Variants in GAB4 observed in about 807,000 individuals in gnomAD.
GAB4 encodes GRB2-associated-binding protein 4.
A neutral mutation model predicts 51.3 loss-of-function variants in GAB4; 26 were observed. That is an observed-to-expected ratio of 0.51 (90% CI 0.37 to 0.70). GAB4 has a LOEUF of 0.70. Among genes scored for constraint, GAB4 ranks in the 30% least tolerant of loss-of-function variants. The pLI is 0.00. For synonymous variants in GAB4, 329 were observed against 291.2 expected (o/e 1.13, Z -1.32); for missense variants, 759 against 734.6 (o/e 1.03, Z -0.38).
intron 4 of GAB4, among the ~76,000 whole-genome samples, chr22:16,968,619 A>C (rs1051351678): frequency 4.6e-5 from 7 of 152,082 alleles, no homozygotes; most frequent in African/African-American, 1.7e-4. Context: ...GCCTGCCCTC[A>C]GGACACACCT....
chr22:16,998,017 GT>G (rs1475186763), intron 1 of GAB4, among the ~76,000 whole-genome samples: 2 of 152,114 alleles, frequency 1.3e-5, no homozygotes, highest in African/African-American at 4.8e-5. Flanking sequence ...CTCTGTTTTG[GT>G]ACCAGTACCA....
intron 1 of GAB4, among the ~76,000 whole-genome samples, chr22:16,993,131 C>T (rs2060926451): frequency 6.6e-6 from 1 of 152,136 alleles, no homozygotes; most frequent in Admixed American, 6.5e-5. Context: ...CTGTCTTCTA[C>T]CTTCCACCTC....
At chr22:17,004,162 G>T (rs996003634) in intron 1 of GAB4, among the ~76,000 whole-genome samples, 25 of 152,236 alleles carry the variant, frequency 1.6e-4, no homozygotes, top group African/African-American at 5.8e-4. Flanking sequence ...AATAAATTCT[G>T]AAATTGAAGC....
chr22:16,989,350 CCT>C (rs2060894446), intron 2 of GAB4, among the ~76,000 whole-genome samples: 2 of 152,214 alleles, frequency 1.3e-5, no homozygotes, highest in Non-Finnish European at 2.9e-5. Flanking sequence ...CTTTCTGCCC[CCT>C]GATATCTGGC....
chr22:16,979,252 A>G (rs2060807128), intron 3 of GAB4, among the ~76,000 whole-genome samples: 1 of 152,230 alleles, frequency 6.6e-6, no homozygotes, highest in Non-Finnish European at 1.5e-5. Flanking sequence ...CTCTGTTTGC[A>G]GATGACATGA....
In GAB4 at chr22:16,963,825, G is replaced by C. The variant is rs200669352; in HGVS notation, c.1481C>G (p.Pro494Arg). ...DSGERYLFPN[P>R]ASAFPVSGGT... is the part of the protein sequence containing the mutation. The stretch of plus-strand genomic sequence containing the variant: ...ACCGGAAACAGGAAATGCAGATGCC[G>C]GGTTCTGCTGTCACAAGGAGGAAAA... Residue 494 changes from proline to arginine, a missense_variant, in exon 9 of 10, where the codon CCG becomes CGG. Pro to Arg is a moderately radical substitution (Grantham distance 103, BLOSUM62 -2). Around this residue, in one of 3 missense-constraint regions of GAB4, gnomAD observed 588 missense variants for 510.2 expected, o/e 1.15. Coordinates refer to ENST00000400588, the MANE Select transcript of GAB4 (RefSeq NM_001037814.1). 4 of 1,613,184 alleles carry C rather than the reference G, an allele frequency of 2.5e-6. No homozygotes were observed. Among genetic ancestry groups the C allele is most frequent in the Non-Finnish European group, 3.4e-6 (4 of 1,179,554 alleles).
chr22:16,962,978 G>GAGGTTCCTTCCCCCTGA, intron 9 of GAB4, 102 bp from the exon 10 acceptor site: 2 of 1,143,560 alleles, frequency 1.7e-6, no homozygotes, highest in Non-Finnish European at 2.5e-6. Context: ...TCAGGGGGAA[G>GAGGTTCCTTCCCCCTGA]GAACCTCTGC....
chr22:16,987,116 G>A (rs375842979), intron 3 of GAB4, among the ~76,000 whole-genome samples: 1 of 152,234 alleles, frequency 6.6e-6, no homozygotes, highest in African/African-American at 2.4e-5. Context: ...CAGATGTCAT[G>A]AAGTCATCTA....
intron 3 of GAB4, among the ~76,000 whole-genome samples, chr22:16,985,222 C>A (rs1212746937): frequency 1.3e-5 from 2 of 152,088 alleles, no homozygotes; most frequent in Admixed American, 1.3e-4. Flanking sequence ...CATTTTTTGC[C>A]CACAGATTTA....
At chr22:16,969,352 T>A (rs1398856345) in intron 4 of GAB4, among the ~76,000 whole-genome samples, 1 of 152,238 alleles carries the variant, frequency 6.6e-6, no homozygotes, top group Non-Finnish European at 1.5e-5. Flanking sequence ...AAACCCATAA[T>A]GTGCTGTACT....
At chr22:16,974,285 A>T (rs1359101504) in intron 3 of GAB4, among the ~76,000 whole-genome samples, 3 of 152,236 alleles carry the variant, frequency 2.0e-5, no homozygotes, top group African/African-American at 7.2e-5. Flanking sequence ...AAGCTGCATA[A>T]AACAGGTAAG....
intron 1 of GAB4, among the ~76,000 whole-genome samples, chr22:17,000,002 G>T (rs116009214): frequency 0.017 from 2,662 of 152,296 alleles, 94 homozygotes; most frequent in African/African-American, 0.06. Flanking sequence ...TGTGGTCTGA[G>T]ACATGGTTTG....
In GAB4 at chr22:16,969,951, T is replaced by A. The variant is rs201405868; in HGVS notation, c.929A>T (p.Asp310Val). The A allele has an allele frequency of 2.7e-4, 442 of 1,614,066 alleles. No individual in the cohort carries two copies. Among genetic ancestry groups the A allele is most frequent in the Non-Finnish European group, 3.4e-4 (406 of 1,180,052 alleles). ...CTTGAAGGGGTACACACCCTCATTA[T>A]CCGCCTCAGAGCCTGTGAGGCTGCC... ...TRGSLTGSEA[D>V]NEASSGKYTQ... The change falls in exon 4 of 10, where the codon GAT (aspartate) becomes GTT (valine). Residue 310 changes from aspartate (D) to valine (V), a missense_variant. Asp to Val is a radical substitution (Grantham distance 152). Transcript: ENST00000400588.
rs771460385 is a variant in GAB4 at position 17,008,009 on chromosome 22, T to TCC, written c.105_106insGG (p.Arg36GlyfsTer12). ...CCGCTGTACAGCACGTGGCCACTTCTCGTGCTTCCGCCGGCGGGGCCACTT... is the reference window on the plus strand; with the variant it reads ...CCGCTGTACAGCACGTGGCCACTTCTCCCGTGCTTCCGCCGGCGGGGCCACTT... On this transcript the variant is annotated frameshift_variant, in exon 1 of 10. Coordinates refer to ENST00000400588, the MANE Select transcript of GAB4 (RefSeq NM_001037814.1). LOFTEE classifies it high-confidence loss of function. The TCC allele has an allele frequency of 2.9e-5, 47 of 1,612,108 alleles. No individual in the cohort carries two copies. Among genetic ancestry groups the TCC allele is most frequent in the Non-Finnish European group, 3.8e-5 (45 of 1,179,460 alleles).
intron 4 of GAB4, chr22:16,969,636 A>G: frequency 3.1e-6 from 2 of 635,784 alleles, no homozygotes; most frequent in Admixed American, 2.6e-5. Flanking sequence ...GCTGTTGTCT[A>G]CTGCAGGAAG....
At chr22:16,973,801 G>A (rs1009347870) in intron 3 of GAB4, among the ~76,000 whole-genome samples, 35 of 152,112 alleles carry the variant, frequency 2.3e-4, no homozygotes, top group African/African-American at 8.5e-4. Flanking sequence ...CTTCCTCCCT[G>A]TTCCCACAGC....
chr22:16,985,358 TA>T (rs1471341006), intron 3 of GAB4, among the ~76,000 whole-genome samples: 3 of 152,240 alleles, frequency 2.0e-5, no homozygotes, highest in Non-Finnish European at 4.4e-5. Flanking sequence ...CTCATACGGC[TA>T]GTAATTTTTC....
At chr22:16,966,691 G>A in intron 5 of GAB4, 1 of 292,174 alleles carries the variant, frequency 3.4e-6, no homozygotes, top group Non-Finnish European at 6.5e-6. Context: ...AGAGAGGGTG[G>A]CAACTGGAAG....
intron 1 of GAB4, among the ~76,000 whole-genome samples, chr22:17,003,753 C>T (rs192508814): frequency 5.3e-4 from 81 of 152,196 alleles, no homozygotes; most frequent in African/African-American, 1.9e-3. Context: ...GACACCCTAA[C>T]ATCAAAATTA....
Sources: gnomAD v4.1 joint callset for allele counts (sites outside exome capture counted in the v4.1 genomes callset) on GRCh38, gnomAD v4.1.1 for gene constraint, gnomAD v4.1.1 regional missense constraint, MANE v1.5 for transcripts, NCBI Gene and HGNC (gene_info 2026-07-23, HGNC 2026-07-21) for gene names.